TDRD3: variants seen among roughly 807,000 people sequenced by gnomAD.
The protein encoded by TDRD3 is tudor domain containing 3.
A neutral mutation model predicts 86.7 loss-of-function variants in TDRD3; 45 were observed. The ratio of observed to expected loss-of-function variants is 0.52; its 90% CI spans 0.41 to 0.67. The LOEUF is 0.67. Among genes scored for constraint, TDRD3 ranks in the 30% least tolerant of loss-of-function variants. The pLI is 0.00. For missense variants in TDRD3, 814 were observed against 889.0 expected (o/e 0.92, Z 1.07); for synonymous variants, 298 against 301.7 (o/e 0.99, Z 0.13).
intron 1 of TDRD3, among the ~76,000 whole-genome samples, chr13:60,427,231 A>G (rs1954834586): frequency 6.6e-6 from 1 of 152,198 alleles, no homozygotes; most frequent in Admixed American, 6.5e-5. Context: ...TCATCTTGGC[A>G]TCAGACAGAT....
chr13:60,528,784 C>G lies in TDRD3; in HGVS notation c.1559C>G (p.Pro520Arg). The G allele has an allele frequency of 6.2e-7, 1 of 1,613,788 alleles. No individual in the cohort carries two copies. Among genetic ancestry groups the G allele is most frequent in the Non-Finnish European group, 8.5e-7 (1 of 1,179,900 alleles). ...TCCTTTGCAGAGGCAAAAGAAAATC[C>G]ACTTCCTCAAGGATCTGTAGATTAT... is the stretch of plus-strand genomic sequence containing the variant. ...GPSFAEAKEN[P>R]LPQGSVDYNN... Residue 520 changes from proline (P) to arginine (R), a missense_variant, in exon 11 of 14, where the codon CCA becomes CGA. Transcript: ENST00000377881.
chr13:60,459,263 A>G (rs1462258046), intron 3 of TDRD3, among the ~76,000 whole-genome samples: 1 of 152,206 alleles, frequency 6.6e-6, no homozygotes, highest in Non-Finnish European at 1.5e-5. Context: ...GATTTTACTT[A>G]AAAGCCTATT....
intron 8 of TDRD3, among the ~76,000 whole-genome samples, chr13:60,501,422 A>G (rs1162630188): frequency 6.6e-6 from 1 of 152,224 alleles, no homozygotes; most frequent in Non-Finnish European, 1.5e-5. Flanking sequence ...TGCCTCCACC[A>G]GATGTTGCTG....
At chr13:60,403,160 C>G (rs1242310655) in intron 1 of TDRD3, among the ~76,000 whole-genome samples, 1 of 148,886 alleles carries the variant, frequency 6.7e-6, no homozygotes, top group Non-Finnish European at 1.5e-5. Context: ...TGGTGACTAA[C>G]CTATAAATCT....
At chr13:60,417,593 C>T (rs552720178) in intron 1 of TDRD3, among the ~76,000 whole-genome samples, 33 of 152,080 alleles carry the variant, frequency 2.2e-4, no homozygotes, top group African/African-American at 3.9e-4. Flanking sequence ...CCACCTGCCT[C>T]GGCCTCCCAA....
At chr13:60,499,818 G>C (rs930163998) in intron 8 of TDRD3, among the ~76,000 whole-genome samples, 1 of 152,192 alleles carries the variant, frequency 6.6e-6, no homozygotes, top group Admixed American at 6.5e-5. Flanking sequence ...GGCCTATTTG[G>C]ATTTTGGAGG....
In TDRD3 at chr13:60,553,821, G is replaced by C. The variant is rs75080540; in HGVS notation, c.2119-13704G>C. ...TTGACATGTGGGGAATACAATTTGG[G>C]AAAAGATTTTGGTGGGGACACAGAG... On this transcript the variant is annotated intron_variant, in intron 12 of 13. Coordinates refer to ENST00000377881, the MANE Select transcript of TDRD3 (RefSeq NM_001146070.2). 1.1e-3 allele frequency among the ~76,000 whole-genome samples: 160 copies of C among 152,204 alleles called. 1 individual carries two copies. Among genetic ancestry groups the C allele is most frequent in the African/African-American group, 3.7e-3 (152 of 41,518 alleles).
chr13:60,506,521 G>A (rs779580720), intron 8 of TDRD3, among the ~76,000 whole-genome samples: 7 of 152,068 alleles, frequency 4.6e-5, no homozygotes, highest in East Asian at 1.9e-4. Context: ...CAGGGTGGGC[G>A]GATCGCAAGG....
At chr13:60,519,925 G>C (rs1376445487) in intron 10 of TDRD3, among the ~76,000 whole-genome samples, 1 of 152,172 alleles carries the variant, frequency 6.6e-6, no homozygotes. Context: ...GGACTAAACA[G>C]GGCAATCTTT....
intron 6 of TDRD3, among the ~76,000 whole-genome samples, chr13:60,485,177 G>T (rs770473022): frequency 7.2e-5 from 11 of 151,926 alleles, no homozygotes; most frequent in Non-Finnish European, 1.5e-4. Context: ...TTTTATTAAT[G>T]AGTTGAGAAA....
intron 5 of TDRD3, among the ~76,000 whole-genome samples, chr13:60,483,087 G>C (rs369497405): frequency 6.6e-6 from 1 of 152,036 alleles, no homozygotes; most frequent in African/African-American, 2.4e-5. Flanking sequence ...GCTTTTGCCA[G>C]AAGATTTTCT....
chr13:60,545,619 G>A (rs546209243), intron 12 of TDRD3, among the ~76,000 whole-genome samples: 6 of 152,064 alleles, frequency 3.9e-5, no homozygotes, highest in African/African-American at 1.2e-4. Flanking sequence ...ACTTAATAAG[G>A]CTGAAAATAA....
intron 1 of TDRD3, among the ~76,000 whole-genome samples, chr13:60,426,762 C>G (rs908821148): frequency 3.3e-5 from 5 of 152,206 alleles, no homozygotes; most frequent in African/African-American, 1.2e-4. Context: ...TTCTATAAAA[C>G]CTTCACATAC....
At chr13:60,403,468 G>A (rs531725864) in intron 1 of TDRD3, among the ~76,000 whole-genome samples, 5 of 152,262 alleles carry the variant, frequency 3.3e-5, no homozygotes, top group Admixed American at 1.3e-4. Flanking sequence ...AGAAGTAGCC[G>A]AAGAACAGTA....
intron 1 of TDRD3, among the ~76,000 whole-genome samples, chr13:60,422,237 C>G (rs190691015): frequency 4.9e-4 from 74 of 152,208 alleles, no homozygotes; most frequent in African/African-American, 9.1e-4. Context: ...AATTAAGGCC[C>G]TGTGAGACAA....
intron 12 of TDRD3, among the ~76,000 whole-genome samples, chr13:60,557,185 A>C (rs1958208916): frequency 6.7e-6 from 1 of 148,786 alleles, no homozygotes; most frequent in African/African-American, 2.5e-5. Flanking sequence ...CAGCTTGGGC[A>C]ACAAGAGCGA....
At chr13:60,475,319 C>T (rs1023107963) in intron 5 of TDRD3, among the ~76,000 whole-genome samples, 1 of 152,154 alleles carries the variant, frequency 6.6e-6, no homozygotes, top group East Asian at 1.9e-4. Context: ...TTATTTAGCT[C>T]CCACTTATAA....
chr13:60,566,125 GC>G (rs1018262778), intron 12 of TDRD3, among the ~76,000 whole-genome samples: 2 of 152,064 alleles, frequency 1.3e-5, no homozygotes, highest in Non-Finnish European at 2.9e-5. Flanking sequence ...TCTTTTACAT[GC>G]AGACTGAAAC....
chr13:60,396,458 C>G (rs982225927), upstream of TDRD3: 9 of 152,270 alleles, frequency 5.9e-5, no homozygotes, highest in African/African-American at 2.2e-4. Flanking sequence ...CACTCAGGGA[C>G]CCACCCTGCG....
Sources: allele counts gnomAD v4.1 joint callset (sites outside exome capture counted in the v4.1 genomes callset), GRCh38; gene constraint gnomAD v4.1.1; transcripts MANE v1.5; gene names NCBI Gene and HGNC (gene_info 2026-07-23, HGNC 2026-07-21).